Variants in MYO6 observed in about 807,000 individuals in gnomAD.
MYO6 encodes unconventional myosin-VI.
Under a neutral mutation model 178.7 loss-of-function variants are expected in MYO6, and 74 were observed. That is an observed-to-expected ratio of 0.41 (90% CI 0.34 to 0.50). MYO6 has a LOEUF of 0.50. MYO6 is among the 20% of genes least tolerant of loss of function. MYO6 has a pLI of 0.09. For synonymous variants in MYO6, 477 were observed against 504.6 expected, an observed-to-expected ratio of 0.95 and a Z score of 0.73; for missense variants, 1,330 against 1,547.4, an observed-to-expected ratio of 0.86 and a Z score of 2.36.
intron 25 of MYO6, among the ~76,000 whole-genome samples, chr6:75,888,038 C>G (rs1038129721): frequency 3.3e-5 from 5 of 151,820 alleles, no homozygotes; most frequent in Admixed American, 3.3e-4. Flanking sequence ...GCCTGTAATC[C>G]CAGCACTTTG....
In MYO6 at chr6:75,795,060, A is replaced by G. The variant is rs1360709614; in HGVS notation, c.-47-22441A>G. Among the ~76,000 whole-genome samples, 3 of 152,202 alleles carry G rather than the reference A, an allele frequency of 2.0e-5. No individual in the cohort carries two copies. In the East Asian group the frequency reaches 5.8e-4, roughly 29 times the overall value. On this transcript the variant is annotated intron_variant, in intron 1 of 34. Transcript: ENST00000369977. ...AATCACTGTGTAATTAATTCCAGAGAATGACTGAGATTATGAAATAGTAAC... is the reference window on the plus strand; with the variant it reads ...AATCACTGTGTAATTAATTCCAGAGGATGACTGAGATTATGAAATAGTAAC...
intron 25 of MYO6, 124 bp from the exon 26 acceptor site, chr6:75,889,933 T>TA: frequency 2.7e-6 from 2 of 744,134 alleles, no homozygotes; most frequent in South Asian, 1.7e-5. Context: ...TAAAAAACAA[T>TA]AAAAACATTA....
In MYO6 at chr6:75,821,234, C is replaced by G. The variant is rs1421317015; in HGVS notation, c.118-1548C>G. On this transcript the variant is annotated intron_variant, in intron 2 of 34. Transcript: ENST00000369977. ...CCCCTCATCATCTAACTTCTTGGAA[C>G]CTTTTTAATTTGACATGGCTCCTAC... 2.6e-5 allele frequency among the ~76,000 whole-genome samples: 4 copies of G among 152,148 alleles called. No homozygotes were observed. The East Asian group carries it at 7.7e-4, about 29-fold the overall frequency.
At chr6:75,902,918 A>G (rs1254497802) in intron 30 of MYO6, among the ~76,000 whole-genome samples, 3 of 151,682 alleles carry the variant, frequency 2.0e-5, no homozygotes, top group Admixed American at 6.6e-5. Flanking sequence ...AGATTCTGGT[A>G]TGTTGTGTCT....
intron 1 of MYO6, among the ~76,000 whole-genome samples, chr6:75,766,119 T>A (rs1778396473): frequency 6.6e-6 from 1 of 152,090 alleles, no homozygotes; most frequent in South Asian, 2.1e-4. Context: ...GGCCAGGAGT[T>A]CGAGACTATC....
At chr6:75,881,840 T>G in intron 23 of MYO6, 22 bp downstream of exon 23, 2 of 1,612,252 alleles carry the variant, frequency 1.2e-6, no homozygotes, top group Non-Finnish European at 1.7e-6. Flanking sequence ...CCTTTACACC[T>G]ATAGGATCTT....
intron 34 of MYO6, 124 bp from the exon 35 acceptor site, chr6:75,914,689 C>G (rs1434844292): frequency 5.4e-6 from 5 of 927,210 alleles, no homozygotes; most frequent in Middle Eastern, 2.8e-4. Flanking sequence ...AGATTTCCAT[C>G]TTAGAGAAAA....
chr6:75,906,001 G>A (rs1276758174), intron 30 of MYO6, among the ~76,000 whole-genome samples: 1 of 152,126 alleles, frequency 6.6e-6, no homozygotes, highest in Admixed American at 6.5e-5. Context: ...CTGCTTGCCA[G>A]GATGGCTGTT....
At chr6:75,754,951 T>G (rs2149958982) in intron 1 of MYO6, among the ~76,000 whole-genome samples, 1 of 152,312 alleles carries the variant, frequency 6.6e-6, no homozygotes, top group African/African-American at 2.4e-5. Context: ...AAATACTGGC[T>G]GCATGTGGTG....
At chr6:75,903,135 C>T (rs377629455) in intron 30 of MYO6, among the ~76,000 whole-genome samples, 1 of 152,016 alleles carries the variant, frequency 6.6e-6, no homozygotes, top group Non-Finnish European at 1.5e-5. Flanking sequence ...TGAGGAGAGC[C>T]TTACTTCCAA....
At chr6:75,769,952 G>A (rs540043505) in intron 1 of MYO6, among the ~76,000 whole-genome samples, 2 of 151,996 alleles carry the variant, frequency 1.3e-5, no homozygotes, top group Non-Finnish European at 2.9e-5. Flanking sequence ...TCCAGGTTCA[G>A]GATGCAAACT....
chr6:75,830,331 GTATTT>G, intron 4 of MYO6, 80 bp from the exon 5 acceptor site: 1 of 1,315,590 alleles, frequency 7.6e-7, no homozygotes, highest in Non-Finnish European at 1.1e-6. Context: ...GAAATTTTTT[GTATTT>G]TATTTTTTCT....
intron 1 of MYO6, among the ~76,000 whole-genome samples, chr6:75,784,969 A>T (rs74727970): frequency 7.0e-4 from 107 of 152,288 alleles, no homozygotes; most frequent in African/African-American, 2.5e-3. Context: ...ATAATTCCTT[A>T]TGCTTTTAGT....
At chr6:75,785,223 G>A (rs916625002) in intron 1 of MYO6, among the ~76,000 whole-genome samples, 8 of 152,152 alleles carry the variant, frequency 5.3e-5, no homozygotes, top group Admixed American at 2.0e-4. Context: ...AGTTACATTG[G>A]TTTTATATGT....
At chr6:75,783,000 G>GAT (rs1767143214) in intron 1 of MYO6, among the ~76,000 whole-genome samples, 1 of 144,874 alleles carries the variant, frequency 6.9e-6, no homozygotes, top group Admixed American at 7.2e-5. Flanking sequence ...CTGCAGCCTT[G>GAT]ATCTCCTAGG....
chr6:75,860,367 T>C (rs1380372735), intron 14 of MYO6, among the ~76,000 whole-genome samples: 1 of 152,236 alleles, frequency 6.6e-6, no homozygotes, highest in African/African-American at 2.4e-5. Context: ...TTAGTTCTAT[T>C]ACCATGTGAA....
chr6:75,817,771 A>G (rs776595141), intron 2 of MYO6, 107 bp downstream of exon 2: 61 of 993,756 alleles, frequency 6.1e-5, no homozygotes, highest in Non-Finnish European at 9.0e-5. Flanking sequence ...TTGGGAAAGC[A>G]TATTTCTGGT....
intron 30 of MYO6, among the ~76,000 whole-genome samples, chr6:75,907,158 A>AG (rs1024711484): frequency 6.6e-6 from 1 of 152,204 alleles, no homozygotes; most frequent in African/African-American, 2.4e-5. Flanking sequence ...AGATTTCCGC[A>AG]GTCTCTCCAG....
intron 5 of MYO6, among the ~76,000 whole-genome samples, chr6:75,832,114 T>C (rs1224338103): frequency 2.0e-5 from 3 of 152,206 alleles, no homozygotes; most frequent in Non-Finnish European, 4.4e-5. Context: ...ATTAAATTGC[T>C]TTCAACTTGT....
Sources: gnomAD v4.1 joint callset for allele counts (sites outside exome capture counted in the v4.1 genomes callset) on GRCh38, gnomAD v4.1.1 for gene constraint, MANE v1.5 for transcripts, NCBI Gene and HGNC (gene_info 2026-07-23, HGNC 2026-07-21) for gene names.